AIM2: variants seen among roughly 807,000 people sequenced by gnomAD.
AIM2 encodes absent in melanoma 2, also known as interferon-inducible protein AIM2.
A neutral mutation model predicts 27.7 loss-of-function variants in AIM2; 30 were observed. The ratio of observed to expected loss-of-function variants is 1.08; its 90% CI spans 0.81 to 1.47. The LOEUF is 1.47. AIM2 is among the 40% of genes most tolerant of loss of function. AIM2 has a pLI of 0.00. For missense variants in AIM2, 358 were observed against 411.3 expected, an observed-to-expected ratio of 0.87 and a Z score of 1.12; for synonymous variants, 141 against 145.3, an observed-to-expected ratio of 0.97 and a Z score of 0.21.
chr1:159,096,555 C>T (rs1657185879), intron 1 of AIM2, among the ~76,000 whole-genome samples: 1 of 151,914 alleles, frequency 6.6e-6, no homozygotes, highest in Non-Finnish European at 1.5e-5. Flanking sequence ...GCTCCTTTTC[C>T]AGCTTTAAGA....
intron 1 of AIM2, among the ~76,000 whole-genome samples, chr1:159,115,380 A>T (rs1356008731): frequency 6.6e-6 from 1 of 152,210 alleles, no homozygotes; most frequent in African/African-American, 2.4e-5. Context: ...CACCAAGTCA[A>T]TCCTAAGCCA....
At chr1:159,118,612 T>C (rs955824278) in intron 1 of AIM2, among the ~76,000 whole-genome samples, 1 of 152,192 alleles carries the variant, frequency 6.6e-6, no homozygotes, top group African/African-American at 2.4e-5. Flanking sequence ...TTAGGACTCA[T>C]TCTAATAGAA....
chr1:159,080,148 G>A (rs1318087087), upstream of AIM2, among the ~76,000 whole-genome samples: 1 of 152,136 alleles, frequency 6.6e-6, no homozygotes, highest in Non-Finnish European at 1.5e-5. Flanking sequence ...AAATATCTGT[G>A]TGCATGTTTT....
chr1:159,132,194 C>CAAAAAAAAAAA (rs71086905), intron 1 of AIM2: 3 of 99,460 alleles, frequency 3.0e-5, no homozygotes, highest in African/African-American at 3.9e-5. Flanking sequence ...CTAGAAATAC[C>CAAAAAAAAAAA]AAAAAAAAAA....
chr1:159,058,229 G>A (rs1307937632), downstream of AIM2, among the ~76,000 whole-genome samples: 2 of 151,918 alleles, frequency 1.3e-5, no homozygotes, highest in Non-Finnish European at 2.9e-5. Flanking sequence ...CATGCCTGTA[G>A]TCCCAGCTAC....
the AIM2 span, among the ~76,000 whole-genome samples, chr1:159,056,517 A>AT: frequency 6.6e-6 from 1 of 151,846 alleles, no homozygotes; most frequent in African/African-American, 2.4e-5. Context: ...TCAGAGGCCT[A>AT]TTTAAGGGTT....
At chr1:159,115,381 TC>T (rs1318688714) in intron 1 of AIM2, among the ~76,000 whole-genome samples, 1 of 152,088 alleles carries the variant, frequency 6.6e-6, no homozygotes, top group African/African-American at 2.4e-5. Context: ...ACCAAGTCAA[TC>T]CTAAGCCAAA....
chr1:159,075,434 G>A (rs938157141), intron 1 of AIM2, among the ~76,000 whole-genome samples: 3 of 151,322 alleles, frequency 2.0e-5, no homozygotes, highest in Non-Finnish European at 4.4e-5. Flanking sequence ...GTGATTGCAT[G>A]CATATTCTCA....
chr1:159,080,080 C>T (rs1248806040), upstream of AIM2, among the ~76,000 whole-genome samples: 1 of 152,130 alleles, frequency 6.6e-6, no homozygotes, highest in African/African-American at 2.4e-5. Context: ...ATCCATTCAC[C>T]TACTGAAGAA....
chr1:159,141,910 T>C (rs887044624), upstream of AIM2, among the ~76,000 whole-genome samples: 13 of 152,144 alleles, frequency 8.5e-5, no homozygotes, highest in African/African-American at 3.1e-4. Flanking sequence ...TTTCCCAGAC[T>C]CAGAATCCCT....
At chr1:159,132,525 A>G (rs140897546) in intron 1 of AIM2, among the ~76,000 whole-genome samples, 82 of 152,312 alleles carry the variant, frequency 5.4e-4, no homozygotes, top group Middle Eastern at 6.8e-3. Context: ...GGACTCAGAC[A>G]CACCCACATT....
upstream of AIM2, among the ~76,000 whole-genome samples, chr1:159,143,678 CCCT>C (rs966183941): frequency 1.3e-5 from 2 of 151,952 alleles, no homozygotes; most frequent in Admixed American, 6.6e-5. Flanking sequence ...TCTATCAGCC[CCCT>C]GAGTGACGTC....
At chr1:159,077,746 C>T (rs1656664485), upstream of AIM2, among the ~76,000 whole-genome samples, 1 of 152,144 alleles carries the variant, frequency 6.6e-6, no homozygotes, top group African/African-American at 2.4e-5. Flanking sequence ...AGGCTCCTAA[C>T]CCTAAATTCA....
intron 1 of AIM2, among the ~76,000 whole-genome samples, chr1:159,122,686 G>C (rs769772402): frequency 6.6e-6 from 1 of 152,152 alleles, no homozygotes; most frequent in East Asian, 1.9e-4. Context: ...CTTGGTTCTC[G>C]GCAGAACAAA....
chr1:159,110,962 T>C (rs779466686), intron 1 of AIM2, among the ~76,000 whole-genome samples: 3 of 152,178 alleles, frequency 2.0e-5, no homozygotes, highest in Non-Finnish European at 4.4e-5. Flanking sequence ...TAGGGAATTA[T>C]ACTTACGCTA....
chr1:159,119,404 T>C (rs1164219199), intron 1 of AIM2, among the ~76,000 whole-genome samples: 1 of 152,198 alleles, frequency 6.6e-6, no homozygotes, highest in East Asian at 1.9e-4. Flanking sequence ...TTCCTTTTTT[T>C]GAATGTCATT....
intron 1 of AIM2, among the ~76,000 whole-genome samples, chr1:159,092,270 C>T (rs1657065859): frequency 6.6e-6 from 1 of 152,154 alleles, no homozygotes; most frequent in African/African-American, 2.4e-5. Flanking sequence ...GTTGCATAAG[C>T]TGAAAACAAT....
chr1:159,111,831 C>CATCTATCTATCTATCT (rs55915998), intron 1 of AIM2, among the ~76,000 whole-genome samples: 3 of 137,664 alleles, frequency 2.2e-5, no homozygotes, highest in East Asian at 2.1e-4. Flanking sequence ...ATCTATCTAT[C>CATCTATCTATCTATCT]ATCTATCTAT....
chr1:159,061,326 T>C (rs936823499), downstream of AIM2, among the ~76,000 whole-genome samples: 2 of 152,166 alleles, frequency 1.3e-5, no homozygotes, highest in Non-Finnish European at 2.9e-5. Flanking sequence ...TTTTTGCCCA[T>C]TTTAAACATT....
Sources: allele counts gnomAD v4.1 joint callset (sites outside exome capture counted in the v4.1 genomes callset), GRCh38; gene constraint gnomAD v4.1.1; transcripts MANE v1.5; gene names NCBI Gene and HGNC (gene_info 2026-07-23, HGNC 2026-07-21).